LRRC8D: variants seen among roughly 807,000 people sequenced by gnomAD.
The protein encoded by LRRC8D is volume-regulated anion channel subunit LRRC8D.
A neutral mutation model predicts 55.8 loss-of-function variants in LRRC8D; 20 were observed. The observed-to-expected ratio is 0.36, with a 90% confidence interval of 0.25 to 0.52. LRRC8D has a LOEUF of 0.52. Among genes scored for constraint, LRRC8D ranks in the 20% least tolerant of loss-of-function variants. LRRC8D has a pLI of 0.93. For synonymous variants in LRRC8D, 352 were observed against 377.0 expected, an observed-to-expected ratio of 0.93 and a Z score of 0.77; for missense variants, 651 against 1,030.8, an observed-to-expected ratio of 0.63 and a Z score of 5.05.
At chr1:89,841,830 C>G (rs1213700824) in intron 1 of LRRC8D, among the ~76,000 whole-genome samples, 6 of 152,176 alleles carry the variant, frequency 3.9e-5, no homozygotes, top group Non-Finnish European at 8.8e-5. Context: ...CTGCCTACCA[C>G]AACAGCAATA....
At chr1:89,860,372 A>G (rs746246153) in intron 2 of LRRC8D, among the ~76,000 whole-genome samples, 18 of 152,160 alleles carry the variant, frequency 1.2e-4, no homozygotes, top group Non-Finnish European at 2.4e-4. Context: ...ATCATCCTCC[A>G]TGAAGTAACT....
chr1:89,824,559 T>C (rs942534074), intron 1 of LRRC8D, among the ~76,000 whole-genome samples: 2 of 152,206 alleles, frequency 1.3e-5, no homozygotes, highest in East Asian at 3.8e-4. Context: ...TTTGGACTGT[T>C]TGTTGTATTT....
In LRRC8D at chr1:89,935,549, G is replaced by A. The variant is rs780804936; in HGVS notation, c.2481G>A (p.Gly827=). ...AGTGTCGGATGCTCAAGAAAAGCGG[G>A]CTTGTTGTGGAAGATCACCTTTTTG... ...LGQCRMLKKS[G]LVVEDHLFDT... Residue 827 remains glycine (G), a synonymous_variant, in exon 3 of 3, where the codon GGG becomes GGA. Coordinates refer to ENST00000337338, the MANE Select transcript of LRRC8D (RefSeq NM_001134479.2). The A allele has an allele frequency of 1.2e-6, 2 of 1,614,212 alleles. No homozygotes were observed. The highest frequency in any genetic ancestry group is 1.7e-6 in the Non-Finnish European group (2 of 1,180,040).
intron 1 of LRRC8D, among the ~76,000 whole-genome samples, chr1:89,823,700 C>T (rs1000829225): frequency 6.6e-6 from 1 of 152,150 alleles, no homozygotes; most frequent in Non-Finnish European, 1.5e-5. Context: ...GGAGTGGGTG[C>T]TGTGGGATCT....
At chr1:89,830,428 C>T (rs1393614077) in intron 1 of LRRC8D, among the ~76,000 whole-genome samples, 1 of 152,202 alleles carries the variant, frequency 6.6e-6, no homozygotes, top group African/African-American at 2.4e-5. Flanking sequence ...GTTTCTCTTT[C>T]ACCTGTTCTA....
At chr1:89,869,740 A>C (rs1307095048) in intron 2 of LRRC8D, among the ~76,000 whole-genome samples, 1 of 152,240 alleles carries the variant, frequency 6.6e-6, no homozygotes, top group Non-Finnish European at 1.5e-5. Flanking sequence ...AGGGAAGCCC[A>C]TCAGACTCAG....
In LRRC8D at chr1:89,934,161, C is replaced by T. The variant is rs1223430892; in HGVS notation, c.1093C>T (p.Leu365Phe). The change falls in exon 3 of 3, where the codon CTT becomes TTT. Residue 365 changes from leucine to phenylalanine, a missense_variant. Around this residue, in one of 5 missense-constraint regions of LRRC8D, gnomAD observed 178 missense variants for 374.9 expected, o/e 0.47. Transcript: ENST00000337338. This position sits in a 1 kb window ranked among gnomAD's most constrained non-coding sequence, Gnocchi z 5.9. The part of the protein sequence containing the change: ...THNMAYMLKK[L>F]LISYISIICV... ...CAATATGGCTTACATGTTGAAAAAG[C>T]TTCTCATCAGTTACATATCCATTAT... 6.2e-7 allele frequency: 1 copy of T among 1,614,094 alleles called. No individual in the cohort carries two copies. Among genetic ancestry groups the T allele is most frequent in the Non-Finnish European group, 8.5e-7 (1 of 1,179,968 alleles).
At chr1:89,884,712 G>A (rs2100859414) in intron 2 of LRRC8D, among the ~76,000 whole-genome samples, 1 of 152,264 alleles carries the variant, frequency 6.6e-6, no homozygotes, top group East Asian at 1.9e-4. Flanking sequence ...ATTCCTCTCA[G>A]ACTTGATGTG....
At chr1:89,932,007 T>C (rs925085634) in intron 2 of LRRC8D, among the ~76,000 whole-genome samples, 2 of 152,196 alleles carry the variant, frequency 1.3e-5, no homozygotes, top group Non-Finnish European at 2.9e-5. Context: ...AACATTCAGT[T>C]CATGCACATA....
At chr1:89,897,340 C>T (rs1164398885) in intron 2 of LRRC8D, among the ~76,000 whole-genome samples, 2 of 152,130 alleles carry the variant, frequency 1.3e-5, no homozygotes, top group Non-Finnish European at 2.9e-5. Flanking sequence ...GTATTTTAAT[C>T]GGGACTCTGC....
chr1:89,846,049 G>T (rs1661270038), intron 2 of LRRC8D, among the ~76,000 whole-genome samples: 1 of 152,136 alleles, frequency 6.6e-6, no homozygotes, highest in Non-Finnish European at 1.5e-5. Context: ...AAAGTGCTGG[G>T]ATTACAGGAG....
At chr1:89,858,023 G>A (rs2100785473) in intron 2 of LRRC8D, among the ~76,000 whole-genome samples, 1 of 152,302 alleles carries the variant, frequency 6.6e-6, no homozygotes, top group East Asian at 1.9e-4. Context: ...GAGGTCAGGA[G>A]TTCGAGACCA....
chr1:89,925,187 C>T (rs1247128520), intron 2 of LRRC8D, among the ~76,000 whole-genome samples: 8 of 152,104 alleles, frequency 5.3e-5, no homozygotes, highest in Non-Finnish European at 1.2e-4. Flanking sequence ...AGTGTGAACC[C>T]TATTGTGAAC....
intron 2 of LRRC8D, among the ~76,000 whole-genome samples, chr1:89,890,236 C>T (rs2100875270): frequency 6.6e-6 from 1 of 152,142 alleles, no homozygotes; most frequent in East Asian, 1.9e-4. Flanking sequence ...ATTCCAAAAA[C>T]ATTGTAGGAG....
intron 2 of LRRC8D, among the ~76,000 whole-genome samples, chr1:89,894,726 T>C (rs1662663474): frequency 6.6e-6 from 1 of 152,250 alleles, no homozygotes; most frequent in Non-Finnish European, 1.5e-5. Flanking sequence ...GTATGCTTAC[T>C]ATTATTGGAA....
rs1663122983 is a variant in LRRC8D at position 89,911,047 on chromosome 1, T to C, written c.-2-22020T>C. Among the ~76,000 whole-genome samples the C allele has an allele frequency of 6.6e-6, 1 of 152,182 alleles. No individual in the cohort carries two copies. ...ATTTCTTTTCCCACCTTCTTTTCAG[T>C]GTAATCTGACCTGAGTTCTCTGAAT... On this transcript the variant is annotated intron_variant, in intron 2 of 2. Coordinates refer to ENST00000337338, the MANE Select transcript of LRRC8D (RefSeq NM_001134479.2). The surrounding 1 kb of genome is among the most constrained non-coding windows in gnomAD (Gnocchi z 4.0).
At chr1:89,868,378 T>G (rs902056969) in intron 2 of LRRC8D, among the ~76,000 whole-genome samples, 25 of 152,304 alleles carry the variant, frequency 1.6e-4, no homozygotes, top group Non-Finnish European at 3.2e-4. Context: ...GTTAAATTCT[T>G]AAAGCTACTG....
chr1:89,910,816 A>G (rs1343294621), intron 2 of LRRC8D, among the ~76,000 whole-genome samples: 4 of 152,158 alleles, frequency 2.6e-5, no homozygotes, highest in Non-Finnish European at 5.9e-5. Context: ...CAGGAGGGGT[A>G]ATTTTCTTCC....
intron 2 of LRRC8D, among the ~76,000 whole-genome samples, chr1:89,861,124 C>G (rs1260260477): frequency 1.3e-5 from 2 of 152,046 alleles, no homozygotes; most frequent in African/African-American, 4.8e-5. Flanking sequence ...AGATTTGAAA[C>G]TTCATGGGAG....
Sources: allele counts gnomAD v4.1 joint callset (sites outside exome capture counted in the v4.1 genomes callset), GRCh38; gene constraint gnomAD v4.1.1; regional missense constraint gnomAD v4.1.1; non-coding constraint Gnocchi (gnomAD v3.1); transcripts MANE v1.5; gene names NCBI Gene and HGNC (gene_info 2026-07-23, HGNC 2026-07-21).